The following MREG variants were observed in gnomAD, a reference collection of about 807,000 sequenced individuals.
MREG encodes dilute suppressor protein homolog.
A neutral mutation model predicts 28.5 loss-of-function variants in MREG; 31 were observed. The ratio of observed to expected loss-of-function variants is 1.09; its 90% CI spans 0.82 to 1.47. The LOEUF is 1.47. MREG is among the 40% of genes most tolerant of loss of function. MREG has a pLI of 0.00. For synonymous variants in MREG, 106 were observed against 95.2 expected (o/e 1.11, Z -0.66); for missense variants, 256 against 257.4 (o/e 0.99, Z 0.04).
intron 2 of MREG, among the ~76,000 whole-genome samples, chr2:215,995,682 GA>G (rs1005602130): frequency 2.6e-5 from 4 of 151,996 alleles, no homozygotes; most frequent in African/African-American, 9.7e-5. Flanking sequence ...AAAGAAAGGA[GA>G]AAAAAAGTAT....
chr2:215,972,408 C>T lies in MREG; in HGVS notation c.255+23898G>A, dbSNP rs184707379. 4.7e-3 allele frequency among the ~76,000 whole-genome samples: 716 copies of T among 152,082 alleles called. 4 individuals carry two copies. Among genetic ancestry groups the T allele is most frequent in the Non-Finnish European group, 8.0e-3 (541 of 67,984 alleles). ...CTGTAATCCCAGCACTTTGGGAGGC[C>T]GAGGCAAGTGGATCACTTGAGGCCA... On this transcript the variant is annotated intron_variant, in intron 2 of 4. Transcript: ENST00000263268.
At chr2:215,974,057 T>C (rs1693176364) in intron 2 of MREG, among the ~76,000 whole-genome samples, 1 of 152,212 alleles carries the variant, frequency 6.6e-6, no homozygotes, top group African/African-American at 2.4e-5. Flanking sequence ...GTAAAAGAGC[T>C]TGGGTGTGAC....
chr2:215,970,930 C>G (rs1166405638), intron 2 of MREG, among the ~76,000 whole-genome samples: 1 of 152,130 alleles, frequency 6.6e-6, no homozygotes, highest in East Asian at 1.9e-4. Context: ...GGCACATATA[C>G]ACTATGGAAT....
intron 2 of MREG, among the ~76,000 whole-genome samples, chr2:215,960,826 T>A (rs1182579610): frequency 6.6e-6 from 1 of 151,616 alleles, no homozygotes; most frequent in African/African-American, 2.4e-5. Flanking sequence ...AGGGCGAGAC[T>A]CCATCACAAA....
chr2:215,950,106 T>C (rs1692446326), intron 2 of MREG, among the ~76,000 whole-genome samples: 1 of 152,240 alleles, frequency 6.6e-6, no homozygotes, highest in South Asian at 2.1e-4. Flanking sequence ...AATCCAAGGA[T>C]GAGTTGCCTC....
chr2:215,989,559 G>A (rs1693668699), intron 2 of MREG, among the ~76,000 whole-genome samples: 1 of 152,082 alleles, frequency 6.6e-6, no homozygotes, highest in Admixed American at 6.5e-5. Context: ...CAAATTGACA[G>A]ACGTAGACCT....
At chr2:216,031,959 TA>T (rs951387156) in intron 1 of MREG, among the ~76,000 whole-genome samples, 2 of 152,250 alleles carry the variant, frequency 1.3e-5, no homozygotes, top group African/African-American at 4.8e-5. Flanking sequence ...CAAGGATTTT[TA>T]AAAGGCTTCA....
intron 1 of MREG, among the ~76,000 whole-genome samples, chr2:215,997,825 G>A (rs1179742293): frequency 2.0e-5 from 3 of 152,158 alleles, no homozygotes; most frequent in Non-Finnish European, 2.9e-5. Context: ...TGGGGTGGAA[G>A]GAAACAGGAA....
intron 2 of MREG, among the ~76,000 whole-genome samples, chr2:215,957,083 C>T (rs904808855): frequency 6.6e-6 from 1 of 151,888 alleles, no homozygotes; most frequent in African/African-American, 2.4e-5. Flanking sequence ...CCTGTTAGAA[C>T]AGGACGGGAG....
chr2:215,976,908 C>A (rs1574619201), intron 2 of MREG, among the ~76,000 whole-genome samples: 5 of 152,292 alleles, frequency 3.3e-5, no homozygotes, highest in Admixed American at 3.3e-4. Flanking sequence ...ACGACTGGTA[C>A]CAGCCTCTGC....
intron 2 of MREG, among the ~76,000 whole-genome samples, chr2:215,978,474 T>A (rs527998457): frequency 6.6e-6 from 1 of 152,320 alleles, no homozygotes; most frequent in African/African-American, 2.4e-5. Context: ...GCTGGTACCA[T>A]TCCTTCTGAA....
chr2:215,976,296 G>A (rs1559183694), intron 2 of MREG, among the ~76,000 whole-genome samples: 1 of 152,114 alleles, frequency 6.6e-6, no homozygotes, highest in Admixed American at 6.5e-5. Flanking sequence ...TATCTGCCCA[G>A]CCTCTTCAAC....
chr2:215,970,510 T>C (rs1693059204), intron 2 of MREG, among the ~76,000 whole-genome samples: 1 of 152,214 alleles, frequency 6.6e-6, no homozygotes, highest in Non-Finnish European at 1.5e-5. Flanking sequence ...TGAGTTTTTC[T>C]ACTTTGAGAC....
chr2:215,960,528 G>T (rs1692751871), intron 2 of MREG, among the ~76,000 whole-genome samples: 1 of 152,102 alleles, frequency 6.6e-6, no homozygotes, highest in African/African-American at 2.4e-5. Context: ...TCTGAACAAG[G>T]CAGGTTTATA....
intron 2 of MREG, among the ~76,000 whole-genome samples, chr2:215,951,122 C>T (rs1692471798): frequency 1.3e-5 from 2 of 152,148 alleles, no homozygotes; most frequent in Non-Finnish European, 2.9e-5. Flanking sequence ...GCTTCCTGTA[C>T]AGCCTGTGGA....
chr2:215,960,768 AGCTT>A (rs1314530800), intron 2 of MREG, among the ~76,000 whole-genome samples: 1 of 152,134 alleles, frequency 6.6e-6, no homozygotes, highest in Non-Finnish European at 1.5e-5. Flanking sequence ...TGGAAGGCAG[AGCTT>A]GCAGTGAGTT....
rs142863890 is a variant in MREG, at chr2:216,019,556, G to A, written c.-68+13233C>T. ...GTCTTGCTCTGTCGCCCAGGCTGGA[G>A]TGCAGTGACGCAATCTCGGCTCACT... On this transcript the variant is annotated intron_variant, in intron 1 of 3. Transcript: ENST00000420348. Among the ~76,000 whole-genome samples the A allele has an allele frequency of 8.7e-3, 1,314 of 150,916 alleles. 14 individuals are homozygous for A. Among genetic ancestry groups the A allele is most frequent in the African/African-American group, 0.03 (1,228 of 40,994 alleles).
intron 1 of MREG, among the ~76,000 whole-genome samples, chr2:216,007,279 T>G (rs1694179385): frequency 6.6e-6 from 1 of 152,002 alleles, no homozygotes; most frequent in Non-Finnish European, 1.5e-5. Context: ...ATGCCTAGAG[T>G]GACAAAAAAT....
chr2:215,977,934 A>T (rs1168999644), intron 2 of MREG, among the ~76,000 whole-genome samples: 1 of 152,248 alleles, frequency 6.6e-6, no homozygotes, highest in Non-Finnish European at 1.5e-5. Context: ...AGCAGGAAAG[A>T]TCTAAAATCG....
Sources: gnomAD v4.1 joint callset for allele counts (sites outside exome capture counted in the v4.1 genomes callset) on GRCh38, gnomAD v4.1.1 for gene constraint, MANE v1.5 for transcripts, NCBI Gene and HGNC (gene_info 2026-07-23, HGNC 2026-07-21) for gene names.